ADCY5: variants seen among roughly 807,000 people sequenced by gnomAD.
ADCY5 encodes the protein adenylate cyclase 5, also known as adenylate cyclase type 5.
A neutral mutation model predicts 119.7 loss-of-function variants in ADCY5; 30 were observed. The ratio of observed to expected loss-of-function variants is 0.25; its 90% CI spans 0.19 to 0.34. ADCY5 has a LOEUF of 0.34. ADCY5 is among the 10% of genes least tolerant of loss of function. ADCY5 has a pLI of 1.00. For missense variants in ADCY5, 1,324 were observed against 1,775.2 expected (o/e 0.75, Z 4.57); for synonymous variants, 753 against 762.2 (o/e 0.99, Z 0.20).
At chr3:123,402,310 G>T (rs1576669813) in intron 1 of ADCY5, among the ~76,000 whole-genome samples, 1 of 152,238 alleles carries the variant, frequency 6.6e-6, no homozygotes, top group East Asian at 1.9e-4. Flanking sequence ...CAAACATACT[G>T]CCTGGAGCAG....
chr3:123,438,982 A>G (rs529116210), intron 1 of ADCY5, among the ~76,000 whole-genome samples: 2 of 151,004 alleles, frequency 1.3e-5, no homozygotes, highest in Admixed American at 6.6e-5. Flanking sequence ...AAACTCCTGG[A>G]CTCAAGCGAT....
intron 14 of ADCY5, 40 bp from the exon 15 acceptor site, chr3:123,300,335 G>A: frequency 6.3e-7 from 1 of 1,599,928 alleles, no homozygotes; most frequent in South Asian, 1.1e-5. Flanking sequence ...CCCAGGCCCT[G>A]CCCGACCCCG....
At chr3:123,371,740 G>T (rs1943648912) in intron 1 of ADCY5, among the ~76,000 whole-genome samples, 1 of 152,234 alleles carries the variant, frequency 6.6e-6, no homozygotes, top group Admixed American at 6.5e-5. Flanking sequence ...GCCAGGTGTG[G>T]GTAGCATGGG....
chr3:123,297,173 GCCTCT>G, intron 16 of ADCY5, 175 bp downstream of exon 16: 1 of 1,349,724 alleles, frequency 7.4e-7, no homozygotes, highest in Non-Finnish European at 1.0e-6. Context: ...AGTGACCAGG[GCCTCT>G]GCCCCCCGAG....
intron 1 of ADCY5, among the ~76,000 whole-genome samples, chr3:123,412,212 T>C (rs1401001896): frequency 2.6e-5 from 4 of 152,210 alleles, no homozygotes; most frequent in South Asian, 2.1e-4. Flanking sequence ...CTTTGCCTCA[T>C]AGGCCTCTCT....
chr3:123,389,359 C>G (rs1001541031), intron 1 of ADCY5, among the ~76,000 whole-genome samples: 2 of 152,224 alleles, frequency 1.3e-5, no homozygotes, highest in South Asian at 4.1e-4. Flanking sequence ...GGAACTGGTT[C>G]AGAAGAGTTA....
chr3:123,307,052 G>C (rs926116661), intron 12 of ADCY5, among the ~76,000 whole-genome samples: 1 of 152,022 alleles, frequency 6.6e-6, no homozygotes, highest in Non-Finnish European at 1.5e-5. Flanking sequence ...CAGAGACAAA[G>C]TAGATGAGTG....
At chr3:123,338,419 G>A (rs1942122519) in intron 3 of ADCY5, among the ~76,000 whole-genome samples, 1 of 152,200 alleles carries the variant, frequency 6.6e-6, no homozygotes, top group South Asian at 2.1e-4. Context: ...CTTAATGACT[G>A]TCACTTCTGC....
chr3:123,431,771 G>A (rs780268853), intron 1 of ADCY5, among the ~76,000 whole-genome samples: 9 of 152,030 alleles, frequency 5.9e-5, no homozygotes, highest in Non-Finnish European at 1.0e-4. Flanking sequence ...CCTCTTACAC[G>A]CCTGCAATCA....
chr3:123,327,515 T>G (rs1319403163), intron 7 of ADCY5, 103 bp downstream of exon 7: 1 of 1,258,172 alleles, frequency 7.9e-7, no homozygotes, highest in African/African-American at 1.5e-5. Flanking sequence ...GCATAAGAAA[T>G]TCATGACTTC....
chr3:123,297,082 T>A (rs1279352744), intron 16 of ADCY5: 1 of 1,526,838 alleles, frequency 6.5e-7, no homozygotes, highest in Admixed American at 2.0e-5. Context: ...GTTAAATGCT[T>A]TAACATGAGG....
chr3:123,384,639 C>T (rs552828036), intron 1 of ADCY5, among the ~76,000 whole-genome samples: 100 of 152,296 alleles, frequency 6.6e-4, no homozygotes, highest in Non-Finnish European at 1.1e-3. Flanking sequence ...AATTTCACTA[C>T]GCCCACAGAT....
At chr3:123,339,908 G>A (rs182043385) in intron 3 of ADCY5, among the ~76,000 whole-genome samples, 1 of 152,178 alleles carries the variant, frequency 6.6e-6, no homozygotes, top group Non-Finnish European at 1.5e-5. Flanking sequence ...GTGACCTCAG[G>A]GGGGAGTCTA....
At chr3:123,295,966 A>T in intron 17 of ADCY5, 118 bp downstream of exon 17, 1 of 1,441,234 alleles carries the variant, frequency 6.9e-7, no homozygotes, top group Non-Finnish European at 9.4e-7. Flanking sequence ...CCTGAGCAAG[A>T]CAGCTTGACA....
chr3:123,308,028 CT>C (rs1178147327), intron 12 of ADCY5, among the ~76,000 whole-genome samples: 489 of 85,644 alleles, frequency 5.7e-3, no homozygotes, highest in Non-Finnish European at 6.7e-3. Context: ...TTTTCATGCT[CT>C]TTTTTTTTTT....
intron 1 of ADCY5, among the ~76,000 whole-genome samples, chr3:123,424,354 T>C (rs6770454): frequency 6.6e-6 from 1 of 152,132 alleles, no homozygotes; most frequent in African/African-American, 2.4e-5. Flanking sequence ...CAAGTTTCCC[T>C]CCTCTACAAG....
chr3:123,425,362 T>A (rs913249457), intron 1 of ADCY5, among the ~76,000 whole-genome samples: 1 of 152,172 alleles, frequency 6.6e-6, no homozygotes, highest in South Asian at 2.1e-4. Context: ...GGTGTCCCAT[T>A]TGATGTCTCA....
intron 1 of ADCY5, among the ~76,000 whole-genome samples, chr3:123,434,248 T>A (rs1029134170): frequency 5.3e-5 from 8 of 152,312 alleles, no homozygotes; most frequent in Non-Finnish European, 7.3e-5. Context: ...TCGGTTCACC[T>A]CTCGGAGCCT....
rs1018092107 is a variant in ADCY5 at position 123,308,195 on chromosome 3, G to A, written c.2443-4012C>T. On this transcript the variant is annotated intron_variant, in intron 12 of 20. Coordinates refer to ENST00000462833, the MANE Select transcript of ADCY5 (RefSeq NM_183357.3). The stretch of plus-strand genomic sequence containing the variant: ...ACTACAGGCGCCCACCACCACGCCC[G>A]GCTAATTTTGTTTTTGTATTTTCAG... Among the ~76,000 whole-genome samples the A allele has an allele frequency of 1.1e-4, 17 of 151,644 alleles. No homozygotes were observed. In the East Asian group the frequency reaches 1.6e-3, roughly 14 times the overall value.
Sources: gnomAD v4.1 joint callset for allele counts (sites outside exome capture counted in the v4.1 genomes callset) on GRCh38, gnomAD v4.1.1 for gene constraint, MANE v1.5 for transcripts, NCBI Gene and HGNC (gene_info 2026-07-23, HGNC 2026-07-21) for gene names.